ASIC2: variants seen among roughly 807,000 people sequenced by gnomAD.
The protein encoded by ASIC2 is acid-sensing ion channel 2.
Under a neutral mutation model 57.3 loss-of-function variants are expected in ASIC2, and 25 were observed. That is an observed-to-expected ratio of 0.44 (90% CI 0.32 to 0.61). The LOEUF (loss-of-function observed/expected upper bound fraction) is 0.61, where lower values mean the gene tolerates loss of function less well. Ranked by LOEUF, ASIC2 falls within the 20% of genes least tolerant of loss-of-function variation. ASIC2 has a pLI of 0.06. For synonymous variants in ASIC2, 319 were observed against 307.5 expected (o/e 1.04, Z -0.39); for missense variants, 641 against 738.1 (o/e 0.87, Z 1.52).
intron 1 of ASIC2, among the ~76,000 whole-genome samples, chr17:33,195,052 G>A (rs1188789863): frequency 6.6e-6 from 1 of 152,168 alleles, no homozygotes; most frequent in Non-Finnish European, 1.5e-5. Context: ...ACGGGTGTGG[G>A]AACAAGCTAA....
intron 1 of ASIC2, among the ~76,000 whole-genome samples, chr17:34,110,652 A>G (rs1911237339): frequency 6.6e-6 from 1 of 152,198 alleles, no homozygotes; most frequent in Non-Finnish European, 1.5e-5. Flanking sequence ...CTCCTTAAAA[A>G]AAATCATCGG....
intron 1 of ASIC2, among the ~76,000 whole-genome samples, chr17:33,787,078 T>C (rs1191784526): frequency 1.3e-5 from 2 of 152,176 alleles, no homozygotes; most frequent in African/African-American, 4.8e-5. Context: ...AAAGTACTTG[T>C]GGGGAGTCCA....
chr17:33,937,963 C>T (rs1916104530), intron 1 of ASIC2, among the ~76,000 whole-genome samples: 1 of 152,138 alleles, frequency 6.6e-6, no homozygotes, highest in African/African-American at 2.4e-5. Flanking sequence ...TTCCAGAGTC[C>T]TGGATAAAGA....
At chr17:33,070,212 TA>T (rs1365339182) in intron 3 of ASIC2, among the ~76,000 whole-genome samples, 2 of 152,376 alleles carry the variant, frequency 1.3e-5, no homozygotes, top group African/African-American at 4.8e-5. Flanking sequence ...ACATATGTTA[TA>T]AAGTTCATAA....
At chr17:33,133,700 A>G (rs2092356695) in intron 1 of ASIC2, among the ~76,000 whole-genome samples, 1 of 152,208 alleles carries the variant, frequency 6.6e-6, no homozygotes, top group Non-Finnish European at 1.5e-5. Flanking sequence ...GCGGCAAGGT[A>G]GGTCCGTGGT....
intron 1 of ASIC2, among the ~76,000 whole-genome samples, chr17:33,340,849 C>T (rs1043226165): frequency 3.3e-5 from 5 of 152,136 alleles, no homozygotes; most frequent in Admixed American, 6.6e-5. Context: ...ATGAGGCCTG[C>T]GAGGTGTCCA....
At chr17:33,983,699 G>A (rs1027144066) in intron 1 of ASIC2, among the ~76,000 whole-genome samples, 3 of 152,146 alleles carry the variant, frequency 2.0e-5, no homozygotes, top group African/African-American at 4.8e-5. Context: ...GAGAAGACAG[G>A]GCCCATTTAC....
chr17:33,901,313 C>T (rs980947243), intron 1 of ASIC2, among the ~76,000 whole-genome samples: 1 of 152,148 alleles, frequency 6.6e-6, no homozygotes, highest in African/African-American at 2.4e-5. Flanking sequence ...CCTTCAGCAG[C>T]CTTATCATCA....
At chr17:33,860,722 T>A (rs1446081122) in intron 1 of ASIC2, among the ~76,000 whole-genome samples, 1 of 152,240 alleles carries the variant, frequency 6.6e-6, no homozygotes, top group Non-Finnish European at 1.5e-5. Context: ...GAATTGATTC[T>A]TTCACAGATA....
At chr17:33,606,875 C>T (rs945557026) in intron 1 of ASIC2, among the ~76,000 whole-genome samples, 1 of 152,222 alleles carries the variant, frequency 6.6e-6, no homozygotes, top group Non-Finnish European at 1.5e-5. Flanking sequence ...TTCTTTCACA[C>T]TTCCATCCAA....
intron 1 of ASIC2, among the ~76,000 whole-genome samples, chr17:34,065,264 A>AG (rs750984209): frequency 1.5e-4 from 23 of 152,212 alleles, no homozygotes; most frequent in Non-Finnish European, 2.8e-4. Context: ...TTCTAGGCGA[A>AG]GTAACTCAGG....
intron 1 of ASIC2, among the ~76,000 whole-genome samples, chr17:33,977,773 C>T (rs758791906): frequency 3.3e-5 from 5 of 152,204 alleles, no homozygotes; most frequent in Non-Finnish European, 7.3e-5. Flanking sequence ...TCTGTCCCTC[C>T]CAACAGAAGC....
At chr17:33,986,926 A>C (rs1905839645) in intron 1 of ASIC2, among the ~76,000 whole-genome samples, 1 of 152,196 alleles carries the variant, frequency 6.6e-6, no homozygotes, top group Non-Finnish European at 1.5e-5. Flanking sequence ...ACGGAATCAG[A>C]GACTTGGGAG....
intron 3 of ASIC2, among the ~76,000 whole-genome samples, chr17:33,046,302 T>C (rs1598251410): frequency 6.6e-6 from 1 of 152,214 alleles, no homozygotes; most frequent in African/African-American, 2.4e-5. Context: ...ATTTCCTTGC[T>C]TTTTTCAATG....
intron 1 of ASIC2, among the ~76,000 whole-genome samples, chr17:33,429,847 T>C (rs1462543817): frequency 1.3e-5 from 2 of 152,178 alleles, no homozygotes; most frequent in East Asian, 1.9e-4. Context: ...TGTCTAAATA[T>C]GTTCCTAGAA....
At position 33,427,719 on chromosome 17, in the gene ASIC2, G is replaced by T. The variant is rs190365661; in HGVS notation, c.556-315652C>A. On this transcript the variant is annotated intron_variant, in intron 1 of 9. Coordinates refer to the ASIC2 transcript ENST00000359872. ...GAAGCAGTGATTCTCAACCCTGGCT[G>T]TACACTAGAGATACCTGGTATGGAG... Among the ~76,000 whole-genome samples, 827 of 152,344 alleles carry T rather than the reference G, an allele frequency of 5.4e-3. 6 individuals carry two copies. The highest frequency in any genetic ancestry group is 8.4e-3 in the Non-Finnish European group (569 of 68,032).
intron 5 of ASIC2, among the ~76,000 whole-genome samples, chr17:33,025,577 C>A (rs907581549): frequency 6.6e-6 from 1 of 152,022 alleles, no homozygotes; most frequent in Non-Finnish European, 1.5e-5. Context: ...ACCTGGCTGC[C>A]CACTGTCTAT....
chr17:33,302,415 T>TTAA (rs1335461211), intron 1 of ASIC2, among the ~76,000 whole-genome samples: 1 of 152,216 alleles, frequency 6.6e-6, no homozygotes, highest in African/African-American at 2.4e-5. Context: ...CAGTCATGAC[T>TTAA]TAATCATGGC....
chr17:33,109,517 T>A (rs1357392615), intron 2 of ASIC2, among the ~76,000 whole-genome samples: 1 of 152,146 alleles, frequency 6.6e-6, no homozygotes, highest in African/African-American at 2.4e-5. Flanking sequence ...TGCTGGTCCA[T>A]CTCCCAGGGA....
Sources: allele counts gnomAD v4.1 joint callset (sites outside exome capture counted in the v4.1 genomes callset), GRCh38; gene constraint gnomAD v4.1.1; transcripts MANE v1.5; gene names NCBI Gene and HGNC (gene_info 2026-07-23, HGNC 2026-07-21).